WWOX: variants seen among roughly 807,000 people sequenced by gnomAD.
The protein encoded by WWOX is WW domain-containing oxidoreductase.
A neutral mutation model predicts 46.2 loss-of-function variants in WWOX; 69 were observed. The observed-to-expected ratio is 1.49, with a 90% CI of 1.23 to 1.82. The LOEUF (loss-of-function observed/expected upper bound fraction) is 1.82. Among genes scored for constraint, WWOX ranks in the 40% most tolerant of loss-of-function variants. The probability of loss-of-function intolerance (pLI) is 0.00; values close to 1 mark genes in which losing one functional copy is unlikely to be tolerated. For missense variants in WWOX, 919 were observed against 542.6 expected, an observed-to-expected ratio of 1.69 and a Z score of -6.89; for synonymous variants, 359 against 202.6, an observed-to-expected ratio of 1.77 and a Z score of -6.56.
intron 8 of WWOX, among the ~76,000 whole-genome samples, chr16:78,619,474 A>G: frequency 6.6e-6 from 1 of 151,112 alleles, no homozygotes; most frequent in East Asian, 2.0e-4. Flanking sequence ...CCCACATGTT[A>G]TACACAGAAT....
intron 5 of WWOX, among the ~76,000 whole-genome samples, chr16:78,261,788 C>CTATATATATATATATATA (rs71384369): frequency 8.1e-5 from 6 of 73,710 alleles, no homozygotes; most frequent in African/African-American, 2.3e-4. Context: ...ATCTATCTAT[C>CTATATATATATATATATA]TATATATATA....
chr16:78,503,395 TC>T (rs977546311), intron 8 of WWOX, among the ~76,000 whole-genome samples: 1 of 151,642 alleles, frequency 6.6e-6, no homozygotes, highest in Non-Finnish European at 1.5e-5. Flanking sequence ...AATTCCTATA[TC>T]CCCCCCATAC....
intron 8 of WWOX, among the ~76,000 whole-genome samples, chr16:79,140,189 C>G (rs759418033): frequency 1.3e-5 from 2 of 152,290 alleles, no homozygotes; most frequent in African/African-American, 4.8e-5. Flanking sequence ...AACAAATTGA[C>G]TTACGTTAAC....
intron 8 of WWOX, among the ~76,000 whole-genome samples, chr16:78,467,749 A>T (rs2084115382): frequency 6.6e-6 from 1 of 152,168 alleles, no homozygotes; most frequent in Non-Finnish European, 1.5e-5. Context: ...GTGCTGATAA[A>T]AGCTTGAATT....
chr16:78,617,643 C>G (rs1271306338), intron 8 of WWOX, among the ~76,000 whole-genome samples: 1 of 152,116 alleles, frequency 6.6e-6, no homozygotes, highest in African/African-American at 2.4e-5. Context: ...AGAAGTGAGT[C>G]CCCCTGCTCC....
intron 8 of WWOX, among the ~76,000 whole-genome samples, chr16:78,618,803 C>T (rs141598788): frequency 1.4e-4 from 21 of 151,894 alleles, no homozygotes; most frequent in African/African-American, 5.1e-4. Flanking sequence ...GGAGTCGCTG[C>T]CCTGTGGCCT....
chr16:78,308,965 A>G (rs773697441), intron 5 of WWOX, among the ~76,000 whole-genome samples: 1 of 152,114 alleles, frequency 6.6e-6, no homozygotes, highest in Non-Finnish European at 1.5e-5. Flanking sequence ...CCTTTAACCA[A>G]TTTCCAATCA....
At chr16:78,823,083 C>A (rs892267078) in intron 8 of WWOX, among the ~76,000 whole-genome samples, 2 of 152,206 alleles carry the variant, frequency 1.3e-5, no homozygotes, top group African/African-American at 4.8e-5. Context: ...AATACACTTT[C>A]AGTAGCTCTT....
intron 6 of WWOX, among the ~76,000 whole-genome samples, chr16:78,422,768 TAC>T (rs1248158636): frequency 6.6e-5 from 8 of 120,806 alleles, no homozygotes; most frequent in South Asian, 5.2e-4. Context: ...CACATATATA[TAC>T]ACACATATAT....
chr16:78,141,148 C>A (rs981668998), intron 4 of WWOX, among the ~76,000 whole-genome samples: 1 of 152,154 alleles, frequency 6.6e-6, no homozygotes, highest in African/African-American at 2.4e-5. Flanking sequence ...CAAGTGAGTT[C>A]GAATTGCAAA....
intron 4 of WWOX, among the ~76,000 whole-genome samples, chr16:78,150,185 C>T (rs1483555572): frequency 2.0e-5 from 3 of 152,164 alleles, no homozygotes; most frequent in African/African-American, 7.2e-5. Context: ...TCATAAAACT[C>T]AGGGAAATAT....
intron 6 of WWOX, among the ~76,000 whole-genome samples, chr16:78,420,166 G>A (rs7202758): frequency 0.011 from 1,656 of 152,054 alleles, 27 homozygotes; most frequent in African/African-American, 0.036. Flanking sequence ...CAGTCCTGGC[G>A]GAAATGTAAA....
chr16:79,076,938 GTAT>G (rs1316836324), intron 8 of WWOX, among the ~76,000 whole-genome samples: 1 of 152,180 alleles, frequency 6.6e-6, no homozygotes, highest in Admixed American at 6.5e-5. Context: ...GAGAAAGGTG[GTAT>G]TATTATTCTT....
chr16:78,808,156 C>T (rs569885541), intron 8 of WWOX, among the ~76,000 whole-genome samples: 1 of 152,166 alleles, frequency 6.6e-6, no homozygotes, highest in African/African-American at 2.4e-5. Context: ...ATTTTTGGCA[C>T]CCATGTTATT....
At chr16:79,100,213 C>T (rs567732087) in intron 8 of WWOX, among the ~76,000 whole-genome samples, 1 of 152,128 alleles carries the variant, frequency 6.6e-6, no homozygotes, top group Non-Finnish European at 1.5e-5. Flanking sequence ...ACAAAATGGA[C>T]CATCCCAGGG....
chr16:78,713,461 GC>G (rs2048490663), intron 8 of WWOX, among the ~76,000 whole-genome samples: 1 of 151,952 alleles, frequency 6.6e-6, no homozygotes, highest in African/African-American at 2.4e-5. Context: ...ATGTGATGAA[GC>G]CCTAATTCAC....
chr16:78,268,989 A>T (rs942589516), intron 5 of WWOX: 1 of 152,154 alleles, frequency 6.6e-6, no homozygotes, highest in African/African-American at 2.4e-5. Flanking sequence ...AGATGTACAC[A>T]TATATAAGAT....
chr16:79,091,280 A>T (rs963294712), intron 8 of WWOX, among the ~76,000 whole-genome samples: 3 of 152,076 alleles, frequency 2.0e-5, no homozygotes, highest in African/African-American at 7.2e-5. Context: ...TTTTATTTTA[A>T]TGCTGCTTTT....
At chr16:78,907,058 C>T (rs570156238) in intron 8 of WWOX, among the ~76,000 whole-genome samples, 3 of 152,088 alleles carry the variant, frequency 2.0e-5, no homozygotes, top group Admixed American at 1.3e-4. Flanking sequence ...TTGGTAGAGC[C>T]AGCTAAACGG....
Sources: gnomAD v4.1 joint callset for allele counts (sites outside exome capture counted in the v4.1 genomes callset) on GRCh38, gnomAD v4.1.1 for gene constraint, MANE v1.5 for transcripts, NCBI Gene and HGNC (gene_info 2026-07-23, HGNC 2026-07-21) for gene names.